The following SLC22A16 variants were observed in gnomAD, a reference collection of about 807,000 sequenced individuals.
SLC22A16 encodes the protein WUGSC:RG331P03.1.
In SLC22A16, 53 loss-of-function variants were observed where a neutral mutation model predicts 52.9. That is an observed-to-expected ratio of 1.00 (90% CI 0.80 to 1.26). The LOEUF is 1.26. Ranked by LOEUF, SLC22A16 falls within the 50% of genes most tolerant of loss-of-function variation. SLC22A16 has a pLI of 0.00. For missense variants in SLC22A16, 726 were observed against 704.0 expected, an observed-to-expected ratio of 1.03 and a Z score of -0.35; for synonymous variants, 291 against 268.8, an observed-to-expected ratio of 1.08 and a Z score of -0.81.
intron 1 of SLC22A16, among the ~76,000 whole-genome samples, chr6:110,460,784 A>G (rs1775851005): frequency 6.6e-6 from 1 of 152,080 alleles, no homozygotes; most frequent in South Asian, 2.1e-4. Flanking sequence ...AACCACTCTG[A>G]CTTTGGCAAC....
intron 7 of SLC22A16, among the ~76,000 whole-genome samples, chr6:110,426,628 G>C (rs1010426047): frequency 1.3e-5 from 2 of 151,966 alleles, no homozygotes; most frequent in Admixed American, 1.3e-4. Flanking sequence ...TTTCCTTTCT[G>C]CTGGCTATTT....
chr6:110,429,199 C>T (rs1416721678), intron 7 of SLC22A16, among the ~76,000 whole-genome samples: 1 of 152,124 alleles, frequency 6.6e-6, no homozygotes, highest in Non-Finnish European at 1.5e-5. Flanking sequence ...TAGAAAAGTT[C>T]ATGACCTAAA....
intron 1 of SLC22A16, among the ~76,000 whole-genome samples, chr6:110,464,111 C>G (rs766222977): frequency 1.1e-4 from 16 of 151,956 alleles, no homozygotes; most frequent in Non-Finnish European, 2.1e-4. Flanking sequence ...AAAACAGACA[C>G]AACATACCAA....
chr6:110,463,831 A>C (rs1350684826), intron 1 of SLC22A16, among the ~76,000 whole-genome samples: 1 of 152,000 alleles, frequency 6.6e-6, no homozygotes, highest in Non-Finnish European at 1.5e-5. Context: ...ACAACCACAG[A>C]ATATACATTT....
chr6:110,429,536 G>C (rs572092240), intron 7 of SLC22A16, among the ~76,000 whole-genome samples: 1 of 152,316 alleles, frequency 6.6e-6, no homozygotes, highest in South Asian at 2.1e-4. Flanking sequence ...TTAGGACAAA[G>C]CTAATTTCCA....
intron 6 of SLC22A16, among the ~76,000 whole-genome samples, chr6:110,434,545 T>C (rs1774638423): frequency 1.4e-5 from 2 of 144,712 alleles, no homozygotes; most frequent in Admixed American, 7.6e-5. Flanking sequence ...TAAAATGTGT[T>C]TGGAAAAGCT....
At chr6:110,468,013 A>G (rs1044737958) in intron 1 of SLC22A16, among the ~76,000 whole-genome samples, 1 of 152,222 alleles carries the variant, frequency 6.6e-6, no homozygotes, top group Non-Finnish European at 1.5e-5. Flanking sequence ...TCATGTAGAT[A>G]AATAATAGGT....
In SLC22A16 at chr6:110,439,205, A is replaced by T. The variant is rs142775281; in HGVS notation, c.1184-358T>A. On this transcript the variant is annotated intron_variant, in intron 4 of 7. Transcript: ENST00000368919. ...CAGAAGCACCCATCTGCAAGAGTAC[A>T]AGTGAAAAATCCAAAACGGTAGATA... Among the ~76,000 whole-genome samples, 827 of 152,356 alleles carry T rather than the reference A, an allele frequency of 5.4e-3. 2 individuals are homozygous for T. The highest frequency in any genetic ancestry group is 0.02 in the Middle Eastern group (6 of 294).
chr6:110,445,741 A>G (rs1775146540), intron 3 of SLC22A16, among the ~76,000 whole-genome samples: 1 of 152,206 alleles, frequency 6.6e-6, no homozygotes, highest in South Asian at 2.1e-4. Flanking sequence ...GATGATGTTT[A>G]TACTTTCTTA....
At chr6:110,446,501 C>T (rs1476369838) in intron 3 of SLC22A16, among the ~76,000 whole-genome samples, 1 of 152,174 alleles carries the variant, frequency 6.6e-6, no homozygotes, top group Non-Finnish European at 1.5e-5. Flanking sequence ...CTCCTGTTTT[C>T]ATTCTTCCTG....
In SLC22A16 at chr6:110,442,925, A is replaced by T. The variant is rs557327874; in HGVS notation, c.652-150T>A. ...TATCAGATGTATAAAATGACATTCA[A>T]TCCGATCTATCTTTTTTTCTTATAG... On this transcript the variant is annotated intron_variant, in intron 3 of 7. Transcript: ENST00000368919. 1.6e-4 allele frequency: 112 copies of T among 717,602 alleles called. 2 individuals are homozygous for T. In the South Asian group the frequency reaches 2.3e-3, roughly 15 times the overall value. The allele number at this position is 717,602 out of a possible 1,614,324, so 44.5% of individuals were successfully genotyped here.
At chr6:110,436,044 C>T (rs1278172678) in intron 5 of SLC22A16, 83 bp from the exon 6 acceptor site, 1 of 858,250 alleles carries the variant, frequency 1.2e-6, no homozygotes, top group Non-Finnish European at 1.9e-6. Flanking sequence ...TTACTTAAAA[C>T]ATTCTAATTC....
In SLC22A16 at chr6:110,456,658, C is replaced by T. The variant is rs772901404; in HGVS notation, c.413G>A (p.Ser138Asn). The change falls in exon 2 of 8, where the codon AGC becomes AAC. Residue 138 changes from serine (S) to asparagine (N), a missense_variant. Coordinates refer to ENST00000368919, the MANE Select transcript of SLC22A16 (RefSeq NM_033125.4). Reference sequence around the variant, plus strand: ...CAGGTTCCACTGGGTCACCGCAGTGCTTTTCCATGTGTTCTGGTCATATAT... The same window carrying T: ...CAGGTTCCACTGGGTCACCGCAGTGTTTTTCCATGTGTTCTGGTCATATAT... ...GYIYDQNTWK[S>N]TAVTQWNLVC... The T allele has an allele frequency of 1.9e-6, 3 of 1,614,158 alleles. No homozygotes were observed. The highest frequency in any genetic ancestry group is 2.2e-5 in the East Asian group (1 of 44,880).
chr6:110,461,063 C>T (rs530566190), intron 1 of SLC22A16, among the ~76,000 whole-genome samples: 3 of 152,356 alleles, frequency 2.0e-5, no homozygotes, highest in Non-Finnish European at 4.4e-5. Context: ...TGAAGAAAGG[C>T]TTTCTAGCAC....
Position 110,441,368 on chromosome 6 carries a change from T to C in SLC22A16, c.1183+876A>G, listed in dbSNP as rs77945375. ...AGAAGGGCAGAACTTCCCATGGAAA[T>C]TTTAAACAAGTGGGATCAAGATCCT... On this transcript the variant is annotated intron_variant, in intron 4 of 7. Transcript: ENST00000368919. Among the ~76,000 whole-genome samples, 1,048 of 152,272 alleles carry C rather than the reference T, an allele frequency of 6.9e-3. 16 individuals are homozygous for C. Among genetic ancestry groups the C allele is most frequent in the African/African-American group, 0.025 (1,020 of 41,554 alleles).
At chr6:110,435,171 G>T (rs1192712889) in intron 6 of SLC22A16, among the ~76,000 whole-genome samples, 1 of 152,140 alleles carries the variant, frequency 6.6e-6, no homozygotes, top group Non-Finnish European at 1.5e-5. Flanking sequence ...CCCTCCCAAA[G>T]TTCAAGTGTT....
At chr6:110,460,647 C>T (rs1775844231) in intron 1 of SLC22A16, among the ~76,000 whole-genome samples, 1 of 152,170 alleles carries the variant, frequency 6.6e-6, no homozygotes, top group Non-Finnish European at 1.5e-5. Flanking sequence ...GCTGGCACTC[C>T]CCTCAGGCCT....
intron 5 of SLC22A16, among the ~76,000 whole-genome samples, chr6:110,436,535 A>G (rs559934917): frequency 6.6e-6 from 1 of 152,198 alleles, no homozygotes; most frequent in Non-Finnish European, 1.5e-5. Flanking sequence ...CTAAGGCAGG[A>G]GGATCATTTA....
rs1424701710 is a variant in SLC22A16, at chr6:110,476,575, G to T, written c.-1C>A. 6.5e-7 allele frequency: 1 copy of T among 1,534,902 alleles called. No homozygotes were observed. Among genetic ancestry groups the T allele is most frequent in the Admixed American group, 2.0e-5 (1 of 49,932 alleles). Reference sequence around the variant, plus strand: ...TCCCCTCGAAGTGGCGGGACCCCATGGTGCGGCCGTGCACTGGGCGCCGAG... The same window carrying T: ...TCCCCTCGAAGTGGCGGGACCCCATTGTGCGGCCGTGCACTGGGCGCCGAG... On this transcript the variant is annotated 5_prime_UTR_variant, in exon 1 of 8. Transcript: ENST00000368919.
Sources: gnomAD v4.1 joint callset for allele counts (sites outside exome capture counted in the v4.1 genomes callset) on GRCh38, gnomAD v4.1.1 for gene constraint, MANE v1.5 for transcripts, NCBI Gene and HGNC (gene_info 2026-07-23, HGNC 2026-07-21) for gene names.